The following ZNF729 variants were observed in gnomAD, a reference collection of about 807,000 sequenced individuals.
ZNF729 encodes zinc finger protein 729.
A neutral mutation model predicts 12.2 loss-of-function variants in ZNF729; 15 were observed. The ratio of observed to expected loss-of-function variants is 1.23; its 90% CI spans 0.82 to 1.89. The LOEUF is 1.89. Ranked by LOEUF, ZNF729 falls within the 40% of genes most tolerant of loss-of-function variation. The probability of loss-of-function intolerance (pLI) is 0.00; values close to 1 mark genes in which losing one functional copy is unlikely to be tolerated. For synonymous variants in ZNF729, 492 were observed against 476.3 expected (o/e 1.03, Z -0.43); for missense variants, 1,540 against 1,456.7 (o/e 1.06, Z -0.93).
intron 1 of ZNF729, among the ~76,000 whole-genome samples, chr19:22,297,712 G>C (rs1019666517): frequency 6.6e-6 from 1 of 151,636 alleles, no homozygotes; most frequent in Middle Eastern, 3.2e-3. Flanking sequence ...CTCATATTAA[G>C]AACACGTAAG....
At chr19:22,287,781 AT>A (rs1314839967) in intron 1 of ZNF729, among the ~76,000 whole-genome samples, 34 of 151,010 alleles carry the variant, frequency 2.3e-4, no homozygotes, top group African/African-American at 8.1e-4. Context: ...AAAATATAAA[AT>A]TTCCAGTTCA....
At chr19:22,286,632 T>G in intron 1 of ZNF729, 77 bp downstream of exon 1, 1 of 1,575,616 alleles carries the variant, frequency 6.3e-7, no homozygotes, top group East Asian at 2.2e-5. Context: ...GTGGCGGGAC[T>G]CCGGCCTCCC....
rs1335868769 is a variant in ZNF729 at position 22,315,698 on chromosome 19, A to G, written c.2281A>G (p.Ile761Val). The change falls in exon 4 of 4, where the codon ATT becomes GTT. Residue 761 changes from isoleucine (I) to valine (V), a missense_variant. Ile to Val is a conservative substitution (Grantham distance 29, BLOSUM62 3). Coordinates refer to ENST00000601693, the MANE Select transcript of ZNF729 (RefSeq NM_001242680.2). Reference protein sequence around the residue: ...HFSALRKHKVIHTREKLYKCE... With the variant: ...HFSALRKHKVVHTREKLYKCE... ...CTCAGCCCTTAGAAAACATAAGGTA[A>G]TTCATACTAGGGAGAAATTGTACAA... is the stretch of plus-strand genomic sequence containing the variant. The G allele has an allele frequency of 4.4e-6, 7 of 1,606,360 alleles. No homozygotes were observed. Among genetic ancestry groups the G allele is most frequent in the Non-Finnish European group, 5.9e-6 (7 of 1,178,208 alleles).
At position 22,296,436 on chromosome 19, in the gene ZNF729, A is replaced by G. The variant is rs988963287; in HGVS notation, c.31-7322A>G. Reference sequence around the variant, plus strand: ...AGACAGGTGTTCATAGTAGACTTCAATAGTTATTTGTATTTTTATGGGGTC... The same window carrying G: ...AGACAGGTGTTCATAGTAGACTTCAGTAGTTATTTGTATTTTTATGGGGTC... On this transcript the variant is annotated intron_variant, in intron 1 of 3. Transcript: ENST00000601693. 1.8e-4 allele frequency among the ~76,000 whole-genome samples: 27 copies of G among 152,076 alleles called. 1 individual carries two copies. The highest frequency in any genetic ancestry group is 1.8e-3 in the Admixed American group (27 of 15,262).
intron 1 of ZNF729, chr19:22,299,858 C>A (rs1599754761): frequency 6.6e-6 from 1 of 152,340 alleles, no homozygotes; most frequent in South Asian, 2.1e-4. Flanking sequence ...AGGCTTCCCT[C>A]TCTGGGGTGA....
rs559283724 is a variant in ZNF729, at chr19:22,302,671, A to G, written c.31-1087A>G. ...AAACTGGAAGCACTCCCAGTAGCAT[A>G]GAGAACAGAATTCTACATAGGGTCC... On this transcript the variant is annotated intron_variant, in intron 1 of 3. Coordinates refer to ENST00000601693, the MANE Select transcript of ZNF729 (RefSeq NM_001242680.2). 1.3e-4 allele frequency among the ~76,000 whole-genome samples: 19 copies of G among 151,800 alleles called. No homozygotes were observed. In the South Asian group the frequency reaches 3.5e-3, roughly 28 times the overall value.
chr19:22,314,441 C>A lies in ZNF729; in HGVS notation c.1024C>A (p.His342Asn). Residue 342 changes from histidine (H) to asparagine (N), a missense_variant, in exon 4 of 4, where the codon CAT becomes AAT. By Grantham distance (68) the His-to-Asn change is moderately conservative. Coordinates refer to ENST00000601693, the MANE Select transcript of ZNF729 (RefSeq NM_001242680.2). ...FSALRKHKII[H>N]TGKKPYKREE... ...AGCCCTTAGAAAACATAAGATAATT[C>A]ATACTGGAAAGAAACCCTACAAGCG... is the stretch of plus-strand genomic sequence containing the variant. The A allele has an allele frequency of 6.2e-7, 1 of 1,601,228 alleles. No individual in the cohort carries two copies.
At chr19:22,313,005 G>A (rs751316766) in intron 3 of ZNF729, among the ~76,000 whole-genome samples, 5 of 149,682 alleles carry the variant, frequency 3.3e-5, no homozygotes, top group African/African-American at 9.9e-5. Flanking sequence ...GAGCCACTGC[G>A]CCTGGCCATG....
At chr19:22,289,586 TG>T (rs1229496763) in intron 1 of ZNF729, among the ~76,000 whole-genome samples, 6 of 152,158 alleles carry the variant, frequency 3.9e-5, no homozygotes, top group African/African-American at 1.4e-4. Context: ...TTGTTTTTTA[TG>T]GCTGGGTGTT....
chr19:22,295,882 T>A (rs1228261975), intron 1 of ZNF729, among the ~76,000 whole-genome samples: 1 of 152,110 alleles, frequency 6.6e-6, no homozygotes, highest in Non-Finnish European at 1.5e-5. Context: ...ATTGAGATAA[T>A]TTTTTTGGTT....
At chr19:22,295,282 T>G (rs773917415) in intron 1 of ZNF729, among the ~76,000 whole-genome samples, 14 of 152,046 alleles carry the variant, frequency 9.2e-5, no homozygotes, top group Non-Finnish European at 1.9e-4. Context: ...TGACTTCCTT[T>G]CTTCCTGTTT....
rs1968522404 is a variant in ZNF729, at chr19:22,315,619, T to C, written c.2202T>C (p.His734=). 1.2e-6 allele frequency: 2 copies of C among 1,609,038 alleles called. No homozygotes were observed. Among genetic ancestry groups the C allele is most frequent in the African/African-American group, 2.7e-5 (2 of 74,862 alleles). Residue 734 remains histidine (H), a synonymous_variant, in exon 4 of 4, where the codon CAT becomes CAC. Coordinates refer to ENST00000601693, the MANE Select transcript of ZNF729 (RefSeq NM_001242680.2). ...SSKLTVHKVI[H]TAEKPCKCEE... is the part of the protein sequence containing the mutation. The stretch of plus-strand genomic sequence containing the variant: ...AACTTACTGTACATAAGGTAATTCA[T>C]ACTGCAGAGAAACCCTGCAAATGTG...
chr19:22,313,823 AAAG>A lies in ZNF729; in HGVS notation c.410_412del (p.Glu137del), dbSNP rs1968481827. On this transcript the variant is annotated inframe_deletion, in exon 4 of 4. Transcript: ENST00000601693. ...AAGTGCCAATGAGGGTAAGATGCAC[AAAG>A]AAGGTTATAATAAACTTAACCAATG... is the stretch of plus-strand genomic sequence containing the variant. 1.3e-6 allele frequency: 2 copies of A among 1,587,832 alleles called. No individual in the cohort carries two copies. Among genetic ancestry groups the A allele is most frequent in the Non-Finnish European group, 1.7e-6 (2 of 1,169,398 alleles).
At chr19:22,293,523 G>A (rs1353264558) in intron 1 of ZNF729, among the ~76,000 whole-genome samples, 2 of 56,926 alleles carry the variant, frequency 3.5e-5, no homozygotes, top group Non-Finnish European at 6.7e-5. Context: ...AGACAGTTTC[G>A]CTCTTGTTTC....
chr19:22,312,841 G>T (rs1968468353), intron 3 of ZNF729, among the ~76,000 whole-genome samples: 1 of 152,066 alleles, frequency 6.6e-6, no homozygotes, highest in Non-Finnish European at 1.5e-5. Context: ...AACCTCCCTA[G>T]TAGCTGGGAT....
intron 1 of ZNF729, among the ~76,000 whole-genome samples, 165 bp downstream of exon 1, chr19:22,286,720 T>C (rs1161862969): frequency 6.6e-6 from 1 of 152,150 alleles, no homozygotes; most frequent in African/African-American, 2.4e-5. Flanking sequence ...AGATGGCGAA[T>C]GCGCTGACTG....
chr19:22,303,922 C>G, intron 2 of ZNF729, 38 bp downstream of exon 2: 1 of 1,506,392 alleles, frequency 6.6e-7, no homozygotes, highest in Non-Finnish European at 8.9e-7. Flanking sequence ...CTATTATATT[C>G]TATAGGTTTA....
At chr19:22,299,791 A>G (rs1968281491) in intron 1 of ZNF729, 1 of 152,204 alleles carries the variant, frequency 6.6e-6, no homozygotes, top group Admixed American at 6.5e-5. Context: ...TCCAATGTCC[A>G]TTAATGTAAA....
At chr19:22,301,388 G>A (rs1378285682) in intron 1 of ZNF729, among the ~76,000 whole-genome samples, 1 of 152,046 alleles carries the variant, frequency 6.6e-6, no homozygotes, top group Non-Finnish European at 1.5e-5. Flanking sequence ...TTCGTTTTAG[G>A]TAGACATATT....
Sources: allele counts gnomAD v4.1 joint callset (sites outside exome capture counted in the v4.1 genomes callset), GRCh38; gene constraint gnomAD v4.1.1; transcripts MANE v1.5; gene names NCBI Gene and HGNC (gene_info 2026-07-23, HGNC 2026-07-21).